Variants in MYRIP observed in about 807,000 individuals in gnomAD.
The protein encoded by MYRIP is myosin VIIA and Rab interacting protein.
Under a neutral mutation model 98.0 loss-of-function variants are expected in MYRIP, and 49 were observed. The ratio of observed to expected loss-of-function variants is 0.50; its 90% CI spans 0.40 to 0.63. MYRIP has a LOEUF of 0.63. Ranked by LOEUF, MYRIP falls within the 30% of genes least tolerant of loss-of-function variation. The probability of loss-of-function intolerance (pLI) is 0.00; values close to 1 mark genes in which losing one functional copy is unlikely to be tolerated. For missense variants in MYRIP, 1,004 were observed against 1,058.2 expected (o/e 0.95, Z 0.71); for synonymous variants, 404 against 409.5 (o/e 0.99, Z 0.16).
intron 13 of MYRIP, among the ~76,000 whole-genome samples, chr3:40,247,943 C>A (rs778678947): frequency 7.9e-5 from 12 of 152,374 alleles, no homozygotes; most frequent in Non-Finnish European, 1.8e-4. Context: ...GTTGTTGACC[C>A]TGCCTTCAGC....
At chr3:40,254,717 C>A (rs1423712970) in intron 16 of MYRIP, among the ~76,000 whole-genome samples, 1 of 152,096 alleles carries the variant, frequency 6.6e-6, no homozygotes, top group African/African-American at 2.4e-5. Context: ...TTCCCTTTAG[C>A]TTAGCAATTT....
intron 1 of MYRIP, among the ~76,000 whole-genome samples, chr3:39,888,576 C>G (rs1350593392): frequency 6.6e-6 from 1 of 152,116 alleles, no homozygotes; most frequent in African/African-American, 2.4e-5. Flanking sequence ...CATAAAAACC[C>G]TAGAAGAAAA....
chr3:39,819,566 A>G (rs1488088479), intron 1 of MYRIP, among the ~76,000 whole-genome samples: 2 of 152,154 alleles, frequency 1.3e-5, no homozygotes, highest in Non-Finnish European at 2.9e-5. Flanking sequence ...ATTCTGTTAA[A>G]ATTTAGAAGA....
At position 39,958,260 on chromosome 3, in the gene MYRIP, G is replaced by C. The variant is rs183589904; in HGVS notation, c.110+57334G>C. ...AAAAGAACAAAGCTGGAGGCATCACGCTACCTGACTTCAAACTATACTACA... is the reference window on the plus strand; with the variant it reads ...AAAAGAACAAAGCTGGAGGCATCACCCTACCTGACTTCAAACTATACTACA... On this transcript the variant is annotated intron_variant, in intron 2 of 16. Transcript: ENST00000302541. 5.9e-5 allele frequency among the ~76,000 whole-genome samples: 9 copies of C among 152,158 alleles called. 1 individual carries two copies. In the East Asian group the frequency reaches 1.7e-3, roughly 29 times the overall value.
At chr3:40,107,308 T>A (rs1037764259) in intron 3 of MYRIP, among the ~76,000 whole-genome samples, 8 of 152,240 alleles carry the variant, frequency 5.3e-5, no homozygotes, top group African/African-American at 1.9e-4. Context: ...CTTGGTTTAA[T>A]GCTCTGCTGT....
intron 2 of MYRIP, among the ~76,000 whole-genome samples, chr3:39,968,692 T>C (rs866812573): frequency 2.0e-5 from 3 of 152,298 alleles, no homozygotes; most frequent in African/African-American, 4.8e-5. Flanking sequence ...ATACCTGTTT[T>C]TGTACCAGTA....
At chr3:40,035,571 G>A (rs1947361467) in intron 2 of MYRIP, among the ~76,000 whole-genome samples, 1 of 151,868 alleles carries the variant, frequency 6.6e-6, no homozygotes, top group Admixed American at 6.6e-5. Flanking sequence ...ATAAGAATCA[G>A]GAAGGGGGCG....
chr3:40,206,714 A>T (rs1951801705), intron 10 of MYRIP, among the ~76,000 whole-genome samples: 1 of 152,118 alleles, frequency 6.6e-6, no homozygotes, highest in Middle Eastern at 3.2e-3. Context: ...GAACAGTGTC[A>T]CTCTCACCTT....
chr3:40,176,548 G>A lies in MYRIP; in HGVS notation c.874-5672G>A, dbSNP rs945231412. ...GAGGATCATTTGAGGCTAGAAATTC[G>A]AGACCAGCCTAGGCAATACAGTGAG... On this transcript the variant is annotated intron_variant, in intron 8 of 16. Transcript: ENST00000302541. Among the ~76,000 whole-genome samples the A allele has an allele frequency of 1.1e-4, 16 of 152,074 alleles. No homozygotes were observed. The East Asian group carries it at 2.1e-3, about 20-fold the overall frequency.
intron 2 of MYRIP, among the ~76,000 whole-genome samples, chr3:39,923,444 G>GA (rs1944348232): frequency 6.6e-6 from 1 of 151,970 alleles, no homozygotes; most frequent in South Asian, 2.1e-4. Context: ...CCTGCACAGG[G>GA]AAAACAATAA....
intron 11 of MYRIP, among the ~76,000 whole-genome samples, chr3:40,218,627 TA>T (rs1559460543): frequency 1.2e-4 from 2 of 16,924 alleles, no homozygotes; most frequent in African/African-American, 1.8e-4. Flanking sequence ...TATATATATA[TA>T]TATATATATA....
At position 40,199,964 on chromosome 3, in the gene MYRIP, T is replaced by C. The variant is rs58879618; in HGVS notation, c.1665+9501T>C. Among the ~76,000 whole-genome samples the C allele has an allele frequency of 5.5e-3, 836 of 151,644 alleles. 1 individual carries two copies. Among genetic ancestry groups the C allele is most frequent in the African/African-American group, 0.018 (757 of 41,416 alleles). On this transcript the variant is annotated intron_variant, in intron 10 of 16. Coordinates refer to ENST00000302541, the MANE Select transcript of MYRIP (RefSeq NM_015460.4). ...TAGCCTGGAAGGACTTTAGAGCAGG[T>C]GTGACCAAATACCCCTCAGAAGAAA...
chr3:40,035,858 G>C (rs1947370228), intron 2 of MYRIP, among the ~76,000 whole-genome samples: 2 of 151,894 alleles, frequency 1.3e-5, no homozygotes, highest in South Asian at 4.1e-4. Flanking sequence ...AGAACTTCTG[G>C]AAATATGAAA....
chr3:39,892,751 C>T (rs1364411500), intron 1 of MYRIP, among the ~76,000 whole-genome samples: 1 of 152,014 alleles, frequency 6.6e-6, no homozygotes, highest in Non-Finnish European at 1.5e-5. Flanking sequence ...GTAAGAAAAG[C>T]CACTCATGAA....
At chr3:39,991,760 C>A (rs1380425071) in intron 2 of MYRIP, among the ~76,000 whole-genome samples, 1 of 152,170 alleles carries the variant, frequency 6.6e-6, no homozygotes, top group Admixed American at 6.5e-5. Context: ...CAGGTGTCCC[C>A]TTATCCTGCT....
chr3:40,063,564 T>G (rs1948064121), intron 3 of MYRIP, among the ~76,000 whole-genome samples: 1 of 152,194 alleles, frequency 6.6e-6, no homozygotes, highest in Non-Finnish European at 1.5e-5. Context: ...ACTTGCATCT[T>G]TGTATATAAT....
intron 2 of MYRIP, among the ~76,000 whole-genome samples, chr3:39,957,319 G>C (rs1339871967): frequency 6.6e-6 from 1 of 151,752 alleles, no homozygotes; most frequent in Non-Finnish European, 1.5e-5. Context: ...ATATCAAAAA[G>C]CTTATCTACC....
chr3:40,079,295 A>G (rs1035700159), intron 3 of MYRIP, among the ~76,000 whole-genome samples: 12 of 152,212 alleles, frequency 7.9e-5, no homozygotes, highest in African/African-American at 2.9e-4. Context: ...GCTATGTGGT[A>G]TCTTAATAGT....
At chr3:40,177,066 C>G (rs1489952541) in intron 8 of MYRIP, among the ~76,000 whole-genome samples, 1 of 150,748 alleles carries the variant, frequency 6.6e-6, no homozygotes, top group Non-Finnish European at 1.5e-5. Flanking sequence ...CAGAGCAAGA[C>G]CCTGTCTAAA....
Sources: gnomAD v4.1 joint callset for allele counts (sites outside exome capture counted in the v4.1 genomes callset) on GRCh38, gnomAD v4.1.1 for gene constraint, MANE v1.5 for transcripts, NCBI Gene and HGNC (gene_info 2026-07-23, HGNC 2026-07-21) for gene names.